GJB2: variants seen among roughly 807,000 people sequenced by gnomAD.
GJB2 encodes gap junction protein beta 2.
In GJB2, 30 loss-of-function variants were observed where a neutral mutation model predicts 16.0. That is an observed-to-expected ratio of 1.88 (90% CI 1.41 to 2.55). The LOEUF (loss-of-function observed/expected upper bound fraction) is 2.55, where lower values mean the gene tolerates loss of function less well. Ranked by LOEUF, GJB2 falls within the 30% of genes most tolerant of loss-of-function variation. The pLI is 0.00. For synonymous variants in GJB2, 123 were observed against 119.1 expected (o/e 1.03, Z -0.21); for missense variants, 284 against 289.7 (o/e 0.98, Z 0.14).
At chr13:20,190,185 G>T (rs1959068460) in intron 1 of GJB2, among the ~76,000 whole-genome samples, 1 of 152,272 alleles carries the variant, frequency 6.6e-6, no homozygotes, top group East Asian at 1.9e-4. Flanking sequence ...AATTTTCACA[G>T]ACGTGGCATG....
At chr13:20,192,103 G>T (rs1425257570) in intron 1 of GJB2, among the ~76,000 whole-genome samples, 1 of 152,218 alleles carries the variant, frequency 6.6e-6, no homozygotes, top group African/African-American at 2.4e-5. Context: ...GAGGACGCGG[G>T]TCTCAGCCGC....
In GJB2 at chr13:20,188,484, A is replaced by G. The variant is rs1440235942; in HGVS notation, c.*417T>C. The G allele has an allele frequency of 5.8e-6, 1 of 173,028 alleles. No homozygotes were observed. Among genetic ancestry groups the G allele is most frequent in the African/African-American group, 2.4e-5 (1 of 41,896 alleles). 10.7% of individuals were successfully genotyped at this position (173,028 alleles called of 1,614,324 possible). ...ACCAATGTTCACCTTTAACGTGGGG[A>G]AAGTTGGCAAAAAGAACCCCAGGAG... On this transcript the variant is annotated 3_prime_UTR_variant, in exon 2 of 2. Transcript: ENST00000382848.
rs757029266 is a variant in GJB2, at chr13:20,189,138, G to C, written c.444C>G (p.Ala148=). 1 of 1,614,092 alleles carries C rather than the reference G, an allele frequency of 6.2e-7. No individual in the cohort carries two copies. Among genetic ancestry groups the C allele is most frequent in the Non-Finnish European group, 8.5e-7 (1 of 1,180,040 alleles). ...SSIFFRVIFE[A]AFMYVFYVMY... ...TGACATAGAAGACGTACATGAAGGC[G>C]GCTTCGAAGATGACCCGGAAGAAGA... The change falls in exon 2 of 2, where the codon GCC becomes GCG. Residue 148 remains alanine (A), a synonymous_variant. Coordinates refer to ENST00000382848, the MANE Select transcript of GJB2 (RefSeq NM_004004.6).
chr13:20,190,560 G>A (rs1959070584), intron 1 of GJB2, among the ~76,000 whole-genome samples: 2 of 152,238 alleles, frequency 1.3e-5, no homozygotes, highest in Non-Finnish European at 2.9e-5. Flanking sequence ...TCACTGCATT[G>A]CAGTTCAGCG....
chr13:20,190,996 C>T (rs1258418896), intron 1 of GJB2, among the ~76,000 whole-genome samples: 5 of 152,112 alleles, frequency 3.3e-5, no homozygotes, highest in East Asian at 1.9e-4. Context: ...GAGGTGGCCA[C>T]GAAAGTTACA....
chr13:20,189,661 C>A, intron 1 of GJB2, 58 bp from the exon 2 acceptor site: 1 of 1,297,020 alleles, frequency 7.7e-7, no homozygotes, highest in Non-Finnish European at 1.1e-6. Context: ...AACAGGGAGA[C>A]TTCTCTGAGT....
In GJB2 at chr13:20,187,695, A is replaced by G. The variant is rs886050026; in HGVS notation, c.*1206T>C. 1 of 152,188 alleles carries G rather than the reference A, an allele frequency of 6.6e-6. No homozygotes were observed. Among genetic ancestry groups the G allele is most frequent in the Non-Finnish European group, 1.5e-5 (1 of 68,040 alleles). The allele number at this position is 152,188 out of a possible 1,614,324, so 9.4% of individuals were successfully genotyped here. On this transcript the variant is annotated 3_prime_UTR_variant, in exon 2 of 2. Transcript: ENST00000382848. ...ATATTCAGGTTCAATCTTCCTATAG[A>G]TCTGCTCAATATTTATCTAAACCTT...
At position 20,189,052 on chromosome 13, in the gene GJB2, G is replaced by A; in HGVS notation, c.530C>T (p.Thr177Ile). ...VKCNAWPCPN[T>I]VDCFVSRPTE... ...GGGCCGGGACACAAAGCAGTCCACA[G>A]TGTTGGGACAAGGCCAGGCGTTGCA... The change falls in exon 2 of 2, where the codon ACT becomes ATT. Residue 177 changes from threonine (T) to isoleucine (I), a missense_variant. By Grantham distance (89) the Thr-to-Ile change is moderately conservative. Transcript: ENST00000382848. 1.9e-6 allele frequency: 3 copies of A among 1,614,126 alleles called. No individual in the cohort carries two copies. The highest frequency in any genetic ancestry group is 2.5e-6 in the Non-Finnish European group (3 of 1,180,030).
chr13:20,189,559 G>A lies in GJB2; in HGVS notation c.23C>T (p.Thr8Met), dbSNP rs529500747. MDWGTLQ[T>M]ILGGVNKHST... ...GTGTTTGTTCACACCCCCCAGGATC[G>A]TCTGCAGCGTGCCCCAATCCATCTT... The change falls in exon 2 of 2, where the codon ACG (threonine) becomes ATG (methionine). Residue 8 changes from threonine (T) to methionine (M), a missense_variant. Thr to Met is a moderately conservative substitution (Grantham distance 81, BLOSUM62 -1). Coordinates refer to ENST00000382848, the MANE Select transcript of GJB2 (RefSeq NM_004004.6). The A allele has an allele frequency of 9.7e-5, 157 of 1,614,166 alleles. 1 individual carries two copies. Among genetic ancestry groups the A allele is most frequent in the Middle Eastern group, 8.3e-4 (5 of 6,048 alleles).
In GJB2 at chr13:20,188,604, A is replaced by G; in HGVS notation, c.*297T>C. ...AATGCCGATATCCTCTGTTTAAAAT[A>G]TGAAAGTACCTTACACCAATAACCC... On this transcript the variant is annotated 3_prime_UTR_variant, in exon 2 of 2. Coordinates refer to ENST00000382848, the MANE Select transcript of GJB2 (RefSeq NM_004004.6). 1 of 390,048 alleles carries G rather than the reference A, an allele frequency of 2.6e-6. No homozygotes were observed. Among genetic ancestry groups the G allele is most frequent in the South Asian group, 3.6e-5 (1 of 27,488 alleles). 24.2% of individuals were successfully genotyped at this position (390,048 alleles called of 1,614,324 possible).
Position 20,189,312 on chromosome 13 carries a change from T to C in GJB2, c.270A>G (p.Leu90=), listed in dbSNP as rs1566528666. ...QLIFVSTPAL[L]VAMHVAYRRH... ...TCCGGTAGGCCACGTGCATGGCCAC[T>C]AGGAGCGCTGGCGTGGACACGAAGA... The change falls in exon 2 of 2, where the codon CTA becomes CTG. Residue 90 remains leucine, a synonymous_variant. Transcript: ENST00000382848. 1 of 1,614,044 alleles carries C rather than the reference T, an allele frequency of 6.2e-7. No individual in the cohort carries two copies. Among genetic ancestry groups the C allele is most frequent in the Non-Finnish European group, 8.5e-7 (1 of 1,180,024 alleles).
chr13:20,192,155 C>T (rs541543014), intron 1 of GJB2, among the ~76,000 whole-genome samples: 1 of 152,176 alleles, frequency 6.6e-6, no homozygotes, highest in Non-Finnish European at 1.5e-5. Flanking sequence ...AATTTTCCTT[C>T]TAGGCGGGGA....
rs80338947 is a variant in GJB2, at chr13:20,189,221, TCTC to T, written c.358_360del (p.Glu120del). ...TCGATGCGGACCTTCTGGGTTTTGA[TCTC>T]CTCGATGTCCTTAAATTCACTCTTT... is the stretch of plus-strand genomic sequence containing the variant. On this transcript the variant is annotated inframe_deletion, in exon 2 of 2. Transcript: ENST00000382848. 4.8e-5 allele frequency: 78 copies of T among 1,613,638 alleles called. No homozygotes were observed. The highest frequency in any genetic ancestry group is 1.6e-4 in the Middle Eastern group (1 of 6,084).
chr13:20,188,687 T>A lies in GJB2; in HGVS notation c.*214A>T. 1 of 591,028 alleles carries A rather than the reference T, an allele frequency of 1.7e-6. No homozygotes were observed. Among genetic ancestry groups the A allele is most frequent in the South Asian group, 2.1e-5 (1 of 47,836 alleles). 36.6% of individuals were successfully genotyped at this position (591,028 alleles called of 1,614,324 possible). On this transcript the variant is annotated 3_prime_UTR_variant, in exon 2 of 2. Transcript: ENST00000382848. ...AAGTGAAAGAAAATTAAGACAGGCATAGAATTAGGCCTTTGTTTTGAGGCT... is the reference window on the plus strand; with the variant it reads ...AAGTGAAAGAAAATTAAGACAGGCAAAGAATTAGGCCTTTGTTTTGAGGCT...
rs1322360079 is a variant in GJB2 at position 20,192,549 on chromosome 13, C to G, written c.-23+234G>C. On this transcript the variant is annotated intron_variant, in intron 1 of 1. Transcript: ENST00000382848. ...CCTCCCGCGCGCGCCCGGCCCCACT[C>G]GCACCCCGGGCGGTGCCATCGCGTC... Among the ~76,000 whole-genome samples the G allele has an allele frequency of 3.9e-5, 6 of 151,934 alleles. No individual in the cohort carries two copies. The South Asian group carries it at 1.2e-3, about 32-fold the overall frequency.
intron 1 of GJB2, among the ~76,000 whole-genome samples, chr13:20,192,329 T>C (rs747144108): frequency 7.9e-5 from 12 of 152,160 alleles, no homozygotes; most frequent in Non-Finnish European, 1.8e-4. Flanking sequence ...CTCCAAGAGG[T>C]AAAGGTCAGT....
chr13:20,189,564 C>A lies in GJB2; in HGVS notation c.18G>T (p.Leu6=). The A allele has an allele frequency of 6.2e-7, 1 of 1,614,180 alleles. No homozygotes were observed. Residue 6 remains leucine, a synonymous_variant, in exon 2 of 2, where the codon CTG becomes CTT. Transcript: ENST00000382848. ...TGTTCACACCCCCCAGGATCGTCTGCAGCGTGCCCCAATCCATCTTCTACT... is the reference window on the plus strand; with the variant it reads ...TGTTCACACCCCCCAGGATCGTCTGAAGCGTGCCCCAATCCATCTTCTACT... MDWGT[L]QTILGGVNKH...
chr13:20,188,955 T>G lies in GJB2; in HGVS notation c.627A>C (p.Glu209Asp), dbSNP rs765660346. 2 of 1,613,918 alleles carry G rather than the reference T, an allele frequency of 1.2e-6. No homozygotes were observed. Among genetic ancestry groups the G allele is most frequent in the African/African-American group, 1.3e-5 (1 of 75,042 alleles). ...AATATCTAATTAGCAAATAACACAA[T>G]TCAGTGACATTCAGCAGGATGCAAA... ...SGICILLNVT[E>D]LCYLLIRYCS... Residue 209 changes from glutamate to aspartate, a missense_variant, in exon 2 of 2, where the codon GAA (glutamate) becomes GAC (aspartate). Transcript: ENST00000382848.
rs1291519904 is a variant in GJB2 at position 20,189,325 on chromosome 13, G to A, written c.257C>T (p.Thr86Met). Residue 86 changes from threonine to methionine, a missense_variant, in exon 2 of 2, where the codon ACG becomes ATG. Transcript: ENST00000382848. Reference sequence around the variant, plus strand: ...GTGCATGGCCACTAGGAGCGCTGGCGTGGACACGAAGATCAGCTGCAGGGC... The same window carrying A: ...GTGCATGGCCACTAGGAGCGCTGGCATGGACACGAAGATCAGCTGCAGGGC... Reference protein sequence around the residue: ...LWALQLIFVSTPALLVAMHVA... With the variant: ...LWALQLIFVSMPALLVAMHVA... The A allele has an allele frequency of 1.2e-6, 2 of 1,614,062 alleles. No individual in the cohort carries two copies. Among genetic ancestry groups the A allele is most frequent in the Non-Finnish European group, 1.7e-6 (2 of 1,180,034 alleles).
Sources: gnomAD v4.1 joint callset for allele counts (sites outside exome capture counted in the v4.1 genomes callset) on GRCh38, gnomAD v4.1.1 for gene constraint, MANE v1.5 for transcripts, NCBI Gene and HGNC (gene_info 2026-07-23, HGNC 2026-07-21) for gene names.